The following CASD1 variants were observed in gnomAD, a reference collection of about 807,000 sequenced individuals.
CASD1 encodes the protein CAS1 domain sialic acid O acetyltransferase 1.
A neutral mutation model predicts 100.0 loss-of-function variants in CASD1; 41 were observed. The observed-to-expected ratio is 0.41, with a 90% CI of 0.32 to 0.53. The LOEUF is 0.53. Among genes scored for constraint, CASD1 ranks in the 20% least tolerant of loss-of-function variants. The probability of loss-of-function intolerance (pLI) is 0.25; values close to 1 mark genes in which losing one functional copy is unlikely to be tolerated. For synonymous variants in CASD1, 321 were observed against 315.6 expected (o/e 1.02, Z -0.18); for missense variants, 774 against 948.7 (o/e 0.82, Z 2.42).
At chr7:94,510,250 C>G in intron 1 of CASD1, 33 bp downstream of exon 1, 1 of 1,386,564 alleles carries the variant, frequency 7.2e-7, no homozygotes. Context: ...CCGGGCAGGC[C>G]GTGGGGGAGG....
chr7:94,533,256 T>G lies in CASD1; in HGVS notation c.504+7T>G. The G allele has an allele frequency of 1.9e-6, 3 of 1,603,914 alleles. No individual in the cohort carries two copies. Among genetic ancestry groups the G allele is most frequent in the Non-Finnish European group, 2.6e-6 (3 of 1,172,132 alleles). On this transcript the variant is annotated splice_region_variant and intron_variant, in intron 6 of 17. Coordinates refer to ENST00000297273, the MANE Select transcript of CASD1 (RefSeq NM_022900.5). ...TGTAGCAGGAGCTGCCACAGTAAGT[T>G]ATCATCTGTATTCTTACTTAATGAT...
At position 94,547,125 on chromosome 7, in the gene CASD1, T is replaced by G; in HGVS notation, c.1663T>G (p.Leu555Val). ...TTGTTTCTGGCATTTTGGCTTACTGTTGAAACTAGGCTTTTTGCTGTTATT... is the reference window on the plus strand; with the variant it reads ...TTGTTTCTGGCATTTTGGCTTACTGGTGAAACTAGGCTTTTTGCTGTTATT... ...GNCFWHFGLL[L>V]KLGFLLLFIC... Residue 555 changes from leucine (L) to valine (V), a missense_variant, in exon 13 of 18, where the codon TTG (leucine) becomes GTG (valine). By Grantham distance (32) the Leu-to-Val change is conservative. Transcript: ENST00000297273. The G allele has an allele frequency of 6.3e-7, 1 of 1,595,530 alleles. No individual in the cohort carries two copies.
intron 3 of CASD1, among the ~76,000 whole-genome samples, chr7:94,525,129 G>A (rs1053457202): frequency 2.0e-5 from 3 of 152,120 alleles, no homozygotes; most frequent in Non-Finnish European, 4.4e-5. Context: ...TATAGAATAT[G>A]TATGTGTAGA....
the CASD1 span, chr7:94,599,613 C>A: frequency 9.7e-7 from 1 of 1,033,722 alleles, no homozygotes; most frequent in South Asian, 1.3e-5. Flanking sequence ...TGAAAAAAAG[C>A]TTGACACACA....
At chr7:94,602,704 T>C in the CASD1 span, among the ~76,000 whole-genome samples, 1 of 152,182 alleles carries the variant, frequency 6.6e-6, no homozygotes, top group Non-Finnish European at 1.5e-5. Flanking sequence ...ACACATATCT[T>C]ACATATATTT....
intron 10 of CASD1, among the ~76,000 whole-genome samples, chr7:94,539,951 C>T (rs1795311456): frequency 6.6e-6 from 1 of 152,130 alleles, no homozygotes; most frequent in Non-Finnish European, 1.5e-5. Context: ...GTATTATCTC[C>T]TCTCTGGTGT....
chr7:94,557,198 T>G (rs753380254), downstream of CASD1, among the ~76,000 whole-genome samples: 1 of 152,070 alleles, frequency 6.6e-6, no homozygotes, highest in Admixed American at 6.6e-5. Context: ...AGCATTATGG[T>G]TCATTAGTGA....
the CASD1 span, chr7:94,624,059 C>T: frequency 2.5e-5 from 10 of 392,654 alleles, no homozygotes; most frequent in Non-Finnish European, 4.0e-5. Context: ...CCAGTGCAAA[C>T]AACACACAAA....
the CASD1 span, among the ~76,000 whole-genome samples, chr7:94,604,994 A>G: frequency 1.3e-5 from 2 of 151,574 alleles, no homozygotes; most frequent in East Asian, 1.9e-4. Flanking sequence ...AAAACTAATC[A>G]TAGAATTACA....
chr7:94,584,050 C>G, the CASD1 span, among the ~76,000 whole-genome samples: 3 of 152,196 alleles, frequency 2.0e-5, no homozygotes, highest in African/African-American at 4.8e-5. Context: ...AATGATTTCT[C>G]TCCCCATTCA....
chr7:94,610,253 C>G, the CASD1 span, among the ~76,000 whole-genome samples: 3 of 152,148 alleles, frequency 2.0e-5, no homozygotes, highest in Admixed American at 1.3e-4. Flanking sequence ...AGCAGTGAAA[C>G]TACTCTGTAT....
the CASD1 span, among the ~76,000 whole-genome samples, chr7:94,575,436 T>C: frequency 6.6e-6 from 1 of 152,210 alleles, no homozygotes; most frequent in Non-Finnish European, 1.5e-5. Context: ...TCCATTGTTT[T>C]GCATTTGCTG....
chr7:94,567,277 T>A, the CASD1 span, among the ~76,000 whole-genome samples: 6 of 152,196 alleles, frequency 3.9e-5, no homozygotes, highest in Non-Finnish European at 5.9e-5. Context: ...TAGTGATTTA[T>A]TTTTCTCTTT....
intron 13 of CASD1, among the ~76,000 whole-genome samples, chr7:94,548,435 G>GAT (rs1562948584): frequency 6.6e-6 from 1 of 151,360 alleles, no homozygotes; most frequent in Non-Finnish European, 1.5e-5. Context: ...TATTCATGCT[G>GAT]ATATATATAC....
At chr7:94,519,557 G>T (rs73720651) in intron 3 of CASD1, among the ~76,000 whole-genome samples, 1,622 of 152,180 alleles carry the variant, frequency 0.011, 29 homozygotes, top group African/African-American at 0.037. Context: ...TTTGCTATCT[G>T]TATTTTCCAT....
chr7:94,624,090 A>G, the CASD1 span: 1 of 395,098 alleles, frequency 2.5e-6, no homozygotes, highest in Non-Finnish European at 4.5e-6. Flanking sequence ...ACAACAGGAT[A>G]TGGCTTCAAA....
the CASD1 span, among the ~76,000 whole-genome samples, chr7:94,577,849 G>A: frequency 6.6e-6 from 1 of 152,112 alleles, no homozygotes; most frequent in African/African-American, 2.4e-5. Flanking sequence ...TTTGCAAGTG[G>A]GTCATCAAGG....
chr7:94,516,868 T>C (rs1457253679), intron 1 of CASD1, among the ~76,000 whole-genome samples: 2 of 152,014 alleles, frequency 1.3e-5, no homozygotes, highest in East Asian at 1.9e-4. Flanking sequence ...GAATAGGAAG[T>C]CATTTCCAAA....
chr7:94,555,806 G>C lies in CASD1; in HGVS notation c.*48G>C, dbSNP rs373732621. 3 of 1,537,678 alleles carry C rather than the reference G, an allele frequency of 2.0e-6. No homozygotes were observed. The highest frequency in any genetic ancestry group is 2.6e-6 in the Non-Finnish European group (3 of 1,139,800). On this transcript the variant is annotated 3_prime_UTR_variant, in exon 18 of 18. Transcript: ENST00000297273. ...TAAACTCTTCAGGCTACCTTTGTGT[G>C]TCTCTAGAAGAGAAAAGCATCTATC...
Sources: allele counts gnomAD v4.1 joint callset (sites outside exome capture counted in the v4.1 genomes callset), GRCh38; gene constraint gnomAD v4.1.1; transcripts MANE v1.5; gene names NCBI Gene and HGNC (gene_info 2026-07-23, HGNC 2026-07-21).